NRXN3: variants seen among roughly 807,000 people sequenced by gnomAD.
NRXN3 encodes neurexin III.
A neutral mutation model predicts 137.6 loss-of-function variants in NRXN3; 32 were observed. The ratio of observed to expected loss-of-function variants is 0.23; its 90% CI spans 0.18 to 0.31. The LOEUF is 0.31. Ranked by LOEUF, NRXN3 falls within the 10% of genes least tolerant of loss-of-function variation. The pLI, the probability that NRXN3 is intolerant of heterozygous loss-of-function variation, is 1.00. For missense variants in NRXN3, 1,574 were observed against 2,062.5 expected (o/e 0.76, Z 4.59); for synonymous variants, 798 against 784.5 (o/e 1.02, Z -0.29).
At chr14:78,985,208 C>T (rs1345832658) in intron 14 of NRXN3, among the ~76,000 whole-genome samples, 2 of 152,192 alleles carry the variant, frequency 1.3e-5, no homozygotes, top group African/African-American at 2.4e-5. Flanking sequence ...AGGGTGGTTA[C>T]AATTCAGATC....
At chr14:79,170,528 C>G (rs1053543607) in intron 15 of NRXN3, among the ~76,000 whole-genome samples, 4 of 151,982 alleles carry the variant, frequency 2.6e-5, no homozygotes, top group Admixed American at 6.6e-5. Context: ...TTGAACTGAG[C>G]CTTAAAGGAA....
At chr14:78,638,155 G>C (rs1275182152) in intron 4 of NRXN3, among the ~76,000 whole-genome samples, 1 of 152,178 alleles carries the variant, frequency 6.6e-6, no homozygotes, top group African/African-American at 2.4e-5. Context: ...CTGCAGGCTA[G>C]TGAGTGACCC....
intron 15 of NRXN3, among the ~76,000 whole-genome samples, chr14:79,462,264 T>C (rs912903496): frequency 3.3e-5 from 5 of 151,912 alleles, no homozygotes; most frequent in Admixed American, 3.3e-4. Flanking sequence ...TCCCAGCTAC[T>C]TGGGAGGCTG....
chr14:79,067,906 A>G (rs971690099), intron 15 of NRXN3, among the ~76,000 whole-genome samples: 2 of 152,046 alleles, frequency 1.3e-5, no homozygotes, highest in African/African-American at 4.8e-5. Flanking sequence ...TTTAGACTTG[A>G]TAATTGTAGC....
intron 15 of NRXN3, among the ~76,000 whole-genome samples, chr14:79,219,016 G>C (rs547958827): frequency 1.3e-5 from 2 of 152,114 alleles, no homozygotes; most frequent in Admixed American, 6.6e-5. Context: ...TGGTGGAAGT[G>C]AAAAAATATA....
At chr14:79,658,439 C>T (rs962981088) in intron 16 of NRXN3, among the ~76,000 whole-genome samples, 16 of 152,200 alleles carry the variant, frequency 1.1e-4, no homozygotes, top group Admixed American at 2.0e-4. Context: ...ACAAAGAAGC[C>T]GCTACCAGGA....
chr14:79,390,070 C>T (rs975126884), intron 15 of NRXN3, among the ~76,000 whole-genome samples: 1 of 152,108 alleles, frequency 6.6e-6, no homozygotes, highest in Non-Finnish European at 1.5e-5. Flanking sequence ...GTAATCCCAG[C>T]GCTTTGGGAG....
intron 2 of NRXN3, among the ~76,000 whole-genome samples, chr14:78,251,900 G>A (rs757881550): frequency 2.6e-5 from 4 of 152,140 alleles, no homozygotes; most frequent in African/African-American, 4.8e-5. Context: ...GCTGGGAACT[G>A]TGTTGCAGGT....
intron 4 of NRXN3, among the ~76,000 whole-genome samples, chr14:78,366,337 G>A (rs867119003): frequency 1.4e-4 from 21 of 152,204 alleles, no homozygotes; most frequent in Admixed American, 7.9e-4. Flanking sequence ...TCTTTTGGCC[G>A]CCCAGATGGT....
rs377759980 is a variant in NRXN3 at position 78,967,353 on chromosome 14, G to A, written c.2923G>A (p.Val975Met). Reference protein sequence around the residue: ...NTHSLKVDTKVVTQVINGAKN... With the variant: ...NTHSLKVDTKMVTQVINGAKN... ...TCATAGCCTGAAAGTGGACACCAAA[G>A]TGGTCACTCAGGTTATCAATGGTGC... Residue 975 changes from valine (V) to methionine (M), a missense_variant, in exon 13 of 21, where the codon GTG becomes ATG. By Grantham distance (21) the Val-to-Met change is conservative (BLOSUM62 1). Around this residue, in one of 5 missense-constraint regions of NRXN3, gnomAD observed 718 missense variants for 887.6 expected, o/e 0.81. Coordinates refer to ENST00000335750, the MANE Select transcript of NRXN3 (RefSeq NM_001330195.2). 2.5e-6 allele frequency: 4 copies of A among 1,613,914 alleles called. No homozygotes were observed. Among genetic ancestry groups the A allele is most frequent in the Admixed American group, 3.3e-5 (2 of 59,976 alleles).
intron 15 of NRXN3, among the ~76,000 whole-genome samples, chr14:79,305,276 T>C (rs1240713565): frequency 6.6e-6 from 1 of 152,094 alleles, no homozygotes; most frequent in Admixed American, 6.6e-5. Flanking sequence ...CAGTCATTAT[T>C]ATTATCATAA....
At chr14:79,089,020 C>G (rs935925215) in intron 15 of NRXN3, among the ~76,000 whole-genome samples, 1 of 152,080 alleles carries the variant, frequency 6.6e-6, no homozygotes, top group South Asian at 2.1e-4. Context: ...AGATCACTCT[C>G]AGATTTTGTG....
intron 16 of NRXN3, among the ~76,000 whole-genome samples, chr14:79,594,698 A>T (rs75701860): frequency 0.078 from 11,863 of 151,602 alleles, 588 homozygotes; most frequent in East Asian, 0.25. Context: ...TTCAAAAAAA[A>T]ATATATATAT....
chr14:78,383,293 G>A (rs539436970), intron 4 of NRXN3, among the ~76,000 whole-genome samples: 24 of 152,192 alleles, frequency 1.6e-4, no homozygotes, highest in African/African-American at 4.8e-4. Flanking sequence ...TGCTCATTTC[G>A]TTATGGAAAA....
intron 16 of NRXN3, among the ~76,000 whole-genome samples, chr14:79,569,536 T>A (rs1199388947): frequency 6.6e-6 from 1 of 151,934 alleles, no homozygotes; most frequent in African/African-American, 2.4e-5. Flanking sequence ...CACAATGCCC[T>A]CCATTTCTAA....
intron 15 of NRXN3, among the ~76,000 whole-genome samples, chr14:79,250,150 A>C (rs928891466): frequency 6.6e-6 from 1 of 152,196 alleles, no homozygotes; most frequent in African/African-American, 2.4e-5. Flanking sequence ...AATTCTAAAT[A>C]TATAGTAAAA....
intron 10 of NRXN3, among the ~76,000 whole-genome samples, chr14:78,886,963 T>C (rs2099145628): frequency 6.6e-6 from 1 of 152,148 alleles, no homozygotes; most frequent in Non-Finnish European, 1.5e-5. Context: ...GGAGGATGTC[T>C]AACTTCGTTT....
At chr14:78,173,708 G>A (rs1411235085) in intron 1 of NRXN3, among the ~76,000 whole-genome samples, 1 of 8,990 alleles carries the variant, frequency 1.1e-4, no homozygotes, top group East Asian at 1.4e-3. Flanking sequence ...CTTTTTCCTT[G>A]CTTTTTTTTT....
At chr14:79,345,902 T>C (rs554286144) in intron 15 of NRXN3, among the ~76,000 whole-genome samples, 1 of 152,308 alleles carries the variant, frequency 6.6e-6, no homozygotes, top group Admixed American at 6.5e-5. Flanking sequence ...CAACCTCAAG[T>C]ATTTCTTTAT....
Sources: allele counts gnomAD v4.1 joint callset (sites outside exome capture counted in the v4.1 genomes callset), GRCh38; gene constraint gnomAD v4.1.1; regional missense constraint gnomAD v4.1.1; transcripts MANE v1.5; gene names NCBI Gene and HGNC (gene_info 2026-07-23, HGNC 2026-07-21).